Variants in ALG12 observed in about 807,000 individuals in gnomAD.
ALG12 encodes dol-P-Man:Man(7)GlcNAc(2)-PP-Dol alpha-1,6-mannosyltransferase.
Under a neutral mutation model 46.0 loss-of-function variants are expected in ALG12, and 36 were observed. The observed-to-expected ratio is 0.78, with a 90% confidence interval of 0.60 to 1.03. The LOEUF is 1.03. Ranked by LOEUF, ALG12 falls within the 50% of genes least tolerant of loss-of-function variation. The pLI is 0.00. For missense variants in ALG12, 599 were observed against 633.5 expected (o/e 0.95, Z 0.58); for synonymous variants, 326 against 291.6 (o/e 1.12, Z -1.20).
At position 49,909,876 on chromosome 22, in the gene ALG12, CCA is replaced by C. The variant is rs754142535; in HGVS notation, c.664+16_664+17del. ...AAAACAAAATCCAGTTAGAAGCATC[CCA>C]CAGTGACTGACTTACCTAAACAGAG... On this transcript the variant is annotated intron_variant, in intron 5 of 9. Transcript: ENST00000330817. 3.1e-6 allele frequency: 5 copies of C among 1,614,020 alleles called. No individual in the cohort carries two copies. Among genetic ancestry groups the C allele is most frequent in the Non-Finnish European group, 4.2e-6 (5 of 1,179,958 alleles).
At chr22:49,897,305 T>A (rs111834070), downstream of ALG12, among the ~76,000 whole-genome samples, 179 of 152,332 alleles carry the variant, frequency 1.2e-3, 2 homozygotes, top group African/African-American at 4.1e-3. Flanking sequence ...CGAGCTTTTG[T>A]GTGGACGTAA....
chr22:49,873,799 G>C, the ALG12 span, among the ~76,000 whole-genome samples: 1 of 152,232 alleles, frequency 6.6e-6, no homozygotes, highest in Non-Finnish European at 1.5e-5. Context: ...CTGTTTTGAA[G>C]AGAGAACAGC....
At chr22:49,897,249 T>C (rs61032615), downstream of ALG12, among the ~76,000 whole-genome samples, 7,439 of 152,318 alleles carry the variant, frequency 0.049, 571 homozygotes, top group African/African-American at 0.16. Context: ...TTGGTTGTTT[T>C]CAAGGTTTGG....
chr22:49,913,927 A>G, intron 1 of ALG12, 84 bp from the exon 2 acceptor site: 1 of 857,514 alleles, frequency 1.2e-6, no homozygotes. Flanking sequence ...GGTTAGCAGA[A>G]TTCTCTGAAC....
chr22:49,908,408 A>G (rs58139096), intron 6 of ALG12, among the ~76,000 whole-genome samples: 3,908 of 129,520 alleles, frequency 0.03, 67 homozygotes, highest in African/African-American at 0.058. Context: ...TGTGCCTGTA[A>G]TCCCAGCTAC....
At chr22:49,883,231 T>C in the ALG12 span, 1 of 153,454 alleles carries the variant, frequency 6.5e-6, no homozygotes, top group African/African-American at 2.4e-5. Flanking sequence ...AGTTTTCCAT[T>C]ATACAGTTTT....
At chr22:49,874,574 C>T in the ALG12 span, among the ~76,000 whole-genome samples, 1 of 150,174 alleles carries the variant, frequency 6.7e-6, no homozygotes, top group African/African-American at 2.4e-5. Context: ...GGGATTTCAC[C>T]AGTTTGGCCA....
the ALG12 span, among the ~76,000 whole-genome samples, chr22:49,865,820 G>A: frequency 1.3e-4 from 20 of 151,718 alleles, no homozygotes; most frequent in African/African-American, 4.1e-4. Context: ...CATTGTGCTC[G>A]AAGGTCAGTT....
At chr22:49,878,828 TC>T in the ALG12 span, among the ~76,000 whole-genome samples, 1 of 151,998 alleles carries the variant, frequency 6.6e-6, no homozygotes, top group East Asian at 1.9e-4. Context: ...TGAAACCTTG[TC>T]TCTACTAAAA....
the ALG12 span, among the ~76,000 whole-genome samples, chr22:49,873,065 A>G: frequency 4.6e-5 from 7 of 152,178 alleles, no homozygotes; most frequent in Admixed American, 4.6e-4. Flanking sequence ...TCCTGAGCTC[A>G]TGCAGTCCAC....
intron 6 of ALG12, among the ~76,000 whole-genome samples, chr22:49,908,900 C>T (rs1023696567): frequency 6.9e-5 from 10 of 144,600 alleles, no homozygotes; most frequent in African/African-American, 2.6e-4. Flanking sequence ...TGCAGTGAGC[C>T]AAGATCATAC....
chr22:49,904,005 T>C lies in ALG12; in HGVS notation c.1300A>G (p.Met434Val), dbSNP rs748669303. 1.2e-5 allele frequency: 20 copies of C among 1,614,070 alleles called. No homozygotes were observed. The highest frequency in any genetic ancestry group is 1.7e-5 in the Non-Finnish European group (20 of 1,180,006). ...GCCAGGAGCCCAGGGGCCGCCTCCATGAGGATGTGTGTGTATGCCAGCATG... is the reference window on the plus strand; with the variant it reads ...GCCAGGAGCCCAGGGGCCGCCTCCACGAGGATGTGTGTGTATGCCAGCATG... ...TGMLAYTHIL[M>V]EAAPGLLALY... The change falls in exon 10 of 10, where the codon ATG becomes GTG. Residue 434 changes from methionine to valine, a missense_variant. By Grantham distance (21) the Met-to-Val change is conservative (BLOSUM62 1). Coordinates refer to ENST00000330817, the MANE Select transcript of ALG12 (RefSeq NM_024105.4).
rs563784271 is a variant in ALG12 at position 49,908,302 on chromosome 22, G to A, written c.769-358C>T. ...CCCAGCACTTCGGGAGGCCAAGGTG[G>A]GTAGATCACGAGGTAAAGAGATCGA... On this transcript the variant is annotated intron_variant, in intron 6 of 9. Transcript: ENST00000330817. Among the ~76,000 whole-genome samples, 196 of 150,416 alleles carry A rather than the reference G, an allele frequency of 1.3e-3. 1 individual carries two copies. Among genetic ancestry groups the A allele is most frequent in the Non-Finnish European group, 2.3e-3 (152 of 66,998 alleles).
Position 49,900,550 on chromosome 22 carries a change from G to C in ALG12, c.*3288C>G, listed in dbSNP as rs1257376485. ...ATGAGCACAGTGCTTGACGGCACCC[G>C]CAGTTGTGGGCAGGGAGTGAACTGC... On this transcript the variant is annotated 3_prime_UTR_variant, in exon 10 of 10. Transcript: ENST00000330817. 1 of 152,270 alleles carries C rather than the reference G, an allele frequency of 6.6e-6. No individual in the cohort carries two copies. The highest frequency in any genetic ancestry group is 2.4e-5 in the African/African-American group (1 of 41,464). The allele number at this position is 152,270 out of a possible 1,614,324, so 9.4% of individuals were successfully genotyped here. A position where few individuals can be genotyped will look rare whatever the true frequency, so the allele number is the denominator to read the frequency against.
intron 4 of ALG12, 48 bp from the exon 5 acceptor site, chr22:49,910,136 G>T: frequency 6.5e-7 from 1 of 1,546,814 alleles, no homozygotes. Context: ...GGGCCCACCC[G>T]GCCCAGAAAA....
the ALG12 span, among the ~76,000 whole-genome samples, chr22:49,874,428 C>A: frequency 6.6e-6 from 1 of 151,456 alleles, no homozygotes; most frequent in Non-Finnish European, 1.5e-5. Flanking sequence ...CTCTATCTCC[C>A]AGGCTGGAGT....
chr22:49,868,251 TAA>T, the ALG12 span, among the ~76,000 whole-genome samples: 2 of 152,180 alleles, frequency 1.3e-5, no homozygotes, highest in Non-Finnish European at 2.9e-5. Context: ...TTGGGGAAAC[TAA>T]AAAATAAAAT....
chr22:49,904,829 T>C (rs1398736876), intron 7 of ALG12, among the ~76,000 whole-genome samples: 1 of 152,164 alleles, frequency 6.6e-6, no homozygotes, highest in African/African-American at 2.4e-5. Flanking sequence ...AACCTCCGCC[T>C]CCTGGGTTCA....
rs761896009 is a variant in ALG12, at chr22:49,904,060, G to C, written c.1245C>G (p.Asp415Glu). The C allele has an allele frequency of 6.2e-7, 1 of 1,614,136 alleles. No homozygotes were observed. The highest frequency in any genetic ancestry group is 1.6e-4 in the Middle Eastern group (1 of 6,062). Residue 415 changes from aspartate to glutamate, a missense_variant, in exon 10 of 10, where the codon GAC (aspartate) becomes GAG (glutamate). Physicochemically the swap from Asp to Glu is conservative, Grantham distance 45 (BLOSUM62 2). Coordinates refer to ENST00000330817, the MANE Select transcript of ALG12 (RefSeq NM_024105.4). The stretch of plus-strand genomic sequence containing the variant: ...TCCCCGGCTGCACATCCTCCCTCTT[G>C]TCGTACCTGTGGGATGAGAGCTGGT... ...FLQVNSAWRY[D>E]KREDVQPGTG...
Sources: gnomAD v4.1 joint callset for allele counts (sites outside exome capture counted in the v4.1 genomes callset) on GRCh38, gnomAD v4.1.1 for gene constraint, MANE v1.5 for transcripts, NCBI Gene and HGNC (gene_info 2026-07-23, HGNC 2026-07-21) for gene names.